Variants in DYNC2I1 observed in about 807,000 individuals in gnomAD.
DYNC2I1 encodes the protein dynein 2 intermediate chain 1, also known as cytoplasmic dynein 2 intermediate chain 1.
DYNC2I1 carries 89 observed loss-of-function variants against 133.4 expected under a neutral mutation model. That is an observed-to-expected ratio of 0.67 (90% CI 0.56 to 0.80). The LOEUF (loss-of-function observed/expected upper bound fraction) is 0.80. DYNC2I1 is among the 30% of genes least tolerant of loss of function. DYNC2I1 has a pLI of 0.00. For missense variants in DYNC2I1, 1,291 were observed against 1,314.5 expected (o/e 0.98, Z 0.28); for synonymous variants, 504 against 484.3 (o/e 1.04, Z -0.54).
Position 158,911,610 on chromosome 7 carries a change from C to T in DYNC2I1, c.1521C>T (p.Leu507=). 1 of 1,613,622 alleles carries T rather than the reference C, an allele frequency of 6.2e-7. No homozygotes were observed. Among genetic ancestry groups the T allele is most frequent in the African/African-American group, 1.3e-5 (1 of 75,000 alleles). ...TAGATTTTTCATTTACTTTCTCTCT[C>T]TTGGATCTACCACCAGTAAATGAAT... ...IDLDFSFTFS[L]LDLPPVNEYD... The change falls in exon 12 of 25, where the codon CTC becomes CTT. Residue 507 remains leucine, a synonymous_variant. Transcript: ENST00000407559.
chr7:158,919,778 T>C (rs918754607), intron 15 of DYNC2I1, among the ~76,000 whole-genome samples: 2 of 152,370 alleles, frequency 1.3e-5, no homozygotes, highest in East Asian at 3.9e-4. Context: ...TTTTGTCTTT[T>C]CCTGTTAGAA....
At chr7:158,890,530 A>G (rs1199107719) in intron 7 of DYNC2I1, among the ~76,000 whole-genome samples, 1 of 151,660 alleles carries the variant, frequency 6.6e-6, no homozygotes, top group Non-Finnish European at 1.5e-5. Flanking sequence ...TTCTTTTTCT[A>G]TTTTCTTCAT....
chr7:158,957,739 CA>C (rs1852235377), downstream of DYNC2I1, among the ~76,000 whole-genome samples: 1 of 152,150 alleles, frequency 6.6e-6, no homozygotes, highest in South Asian at 2.1e-4. Context: ...GGAGCAAATG[CA>C]CTCGGCACTC....
chr7:158,918,903 C>T (rs777886120), intron 15 of DYNC2I1, 34 bp downstream of exon 15: 3 of 1,595,656 alleles, frequency 1.9e-6, no homozygotes, highest in Non-Finnish European at 2.6e-6. Flanking sequence ...ATTTTAAATC[C>T]AGTGACTAAA....
At chr7:158,941,745 G>A (rs114293175) in intron 23 of DYNC2I1, among the ~76,000 whole-genome samples, 180 bp from the exon 24 acceptor site, 1 of 152,134 alleles carries the variant, frequency 6.6e-6, no homozygotes, top group Non-Finnish European at 1.5e-5. Flanking sequence ...GGGTGTAGTG[G>A]TGCCTGCGTG....
intron 4 of DYNC2I1, among the ~76,000 whole-genome samples, chr7:158,878,376 G>A (rs1843594432): frequency 2.1e-5 from 3 of 142,718 alleles, no homozygotes; most frequent in Admixed American, 6.9e-5. Context: ...GGCCAGGAGG[G>A]CCGACTGTGA....
chr7:158,859,859 C>T (rs1390325611), intron 1 of DYNC2I1, among the ~76,000 whole-genome samples: 1 of 152,150 alleles, frequency 6.6e-6, no homozygotes, highest in Non-Finnish European at 1.5e-5. Flanking sequence ...TAATGAATTC[C>T]TGTAACAGGT....
chr7:158,844,539 G>A, the DYNC2I1 span, among the ~76,000 whole-genome samples: 1 of 152,176 alleles, frequency 6.6e-6, no homozygotes, highest in African/African-American at 2.4e-5. Context: ...ACAAGATAAA[G>A]TGAAAGTTTT....
the DYNC2I1 span, among the ~76,000 whole-genome samples, chr7:158,840,314 C>G: frequency 6.6e-6 from 1 of 152,106 alleles, no homozygotes; most frequent in Non-Finnish European, 1.5e-5. Flanking sequence ...GCCTATAATC[C>G]CAGCACTTTG....
intron 15 of DYNC2I1, among the ~76,000 whole-genome samples, chr7:158,920,955 C>T (rs1324491847): frequency 2.0e-5 from 3 of 152,286 alleles, no homozygotes; most frequent in South Asian, 2.1e-4. Context: ...GGCAGAATGA[C>T]GCAGCCAGCA....
At chr7:158,872,966 G>GGGT (rs1369128332) in intron 3 of DYNC2I1, among the ~76,000 whole-genome samples, 1 of 151,354 alleles carries the variant, frequency 6.6e-6, no homozygotes, top group Non-Finnish European at 1.5e-5. Context: ...ACTCCAGCCT[G>GGGT]GGTGACAGAG....
At chr7:158,936,464 A>G (rs968987532) in intron 23 of DYNC2I1, among the ~76,000 whole-genome samples, 40 of 152,310 alleles carry the variant, frequency 2.6e-4, no homozygotes, top group Non-Finnish European at 5.0e-4. Flanking sequence ...CACCAAGTGC[A>G]TGGAAAATCT....
chr7:158,881,496 C>CA (rs1844012895), intron 5 of DYNC2I1, among the ~76,000 whole-genome samples: 4 of 152,204 alleles, frequency 2.6e-5, no homozygotes, highest in African/African-American at 9.6e-5. Context: ...CTCTGTCGCC[C>CA]AGGCTGGAGT....
chr7:158,918,777 CTGA>C lies in DYNC2I1; in HGVS notation c.1830_1832del (p.Glu611del). 6.2e-7 allele frequency: 1 copy of C among 1,613,828 alleles called. No individual in the cohort carries two copies. Among genetic ancestry groups the C allele is most frequent in the Non-Finnish European group, 8.5e-7 (1 of 1,179,866 alleles). ...TTGCTGGAAGAGGATCGCTTGGCAG[CTGA>C]ACCCAGCTGGAATCTTAGGGCTCAA... is the stretch of plus-strand genomic sequence containing the variant. On this transcript the variant is annotated inframe_deletion, in exon 15 of 25. Transcript: ENST00000407559.
At chr7:158,840,480 T>C in the DYNC2I1 span, among the ~76,000 whole-genome samples, 1 of 152,114 alleles carries the variant, frequency 6.6e-6, no homozygotes, top group Non-Finnish European at 1.5e-5. Context: ...GGCAGGAGAA[T>C]TGCTTGAACC....
intron 3 of DYNC2I1, among the ~76,000 whole-genome samples, chr7:158,876,078 G>A (rs1046886823): frequency 1.3e-5 from 2 of 152,176 alleles, no homozygotes; most frequent in African/African-American, 4.8e-5. Flanking sequence ...AAGAAAAGAG[G>A]TTTAATTGAC....
At position 158,906,111 on chromosome 7, in the gene DYNC2I1, A is replaced by G. The variant is rs1353010635; in HGVS notation, c.1460+20A>G. On this transcript the variant is annotated intron_variant, in intron 11 of 24. Transcript: ENST00000407559. The stretch of plus-strand genomic sequence containing the variant: ...GCAAAAGTAGGTGTATTGGGAAAGC[A>G]GCCAAAGGTGTTCAGGGTTTTAGCT... 1.3e-6 allele frequency: 2 copies of G among 1,596,802 alleles called. No homozygotes were observed. The highest frequency in any genetic ancestry group is 2.7e-5 in the African/African-American group (2 of 74,568).
intron 1 of DYNC2I1, among the ~76,000 whole-genome samples, chr7:158,859,948 C>T (rs532916718): frequency 3.3e-5 from 5 of 151,968 alleles, no homozygotes; most frequent in African/African-American, 1.2e-4. Flanking sequence ...AACTATTAGG[C>T]TGTGATATAG....
chr7:158,915,477 A>G (rs1215784483), intron 14 of DYNC2I1, among the ~76,000 whole-genome samples: 2 of 151,296 alleles, frequency 1.3e-5, no homozygotes, highest in East Asian at 1.9e-4. Flanking sequence ...GCTGGTTGAC[A>G]TTAAGGATGA....
Sources: allele counts gnomAD v4.1 joint callset (sites outside exome capture counted in the v4.1 genomes callset), GRCh38; gene constraint gnomAD v4.1.1; transcripts MANE v1.5; gene names NCBI Gene and HGNC (gene_info 2026-07-23, HGNC 2026-07-21).